PSD3: variants seen among roughly 807,000 people sequenced by gnomAD.
PSD3 encodes PH and SEC7 domain-containing protein 3.
Under a neutral mutation model 105.5 loss-of-function variants are expected in PSD3, and 49 were observed. That is an observed-to-expected ratio of 0.46 (90% CI 0.37 to 0.59). The LOEUF (loss-of-function observed/expected upper bound fraction) is 0.59. Among genes scored for constraint, PSD3 ranks in the 20% least tolerant of loss-of-function variants. The pLI is 0.00. For synonymous variants in PSD3, 557 were observed against 457.8 expected (o/e 1.22, Z -2.77); for missense variants, 1,561 against 1,263.8 (o/e 1.24, Z -3.57).
intron 14 of PSD3, among the ~76,000 whole-genome samples, chr8:18,566,737 T>C (rs1801791203): frequency 1.3e-5 from 2 of 152,202 alleles, no homozygotes; most frequent in Admixed American, 6.5e-5. Flanking sequence ...TTTTTGGTTA[T>C]TACCTTCTTA....
At chr8:18,915,744 T>C (rs1314637604) in intron 2 of PSD3, among the ~76,000 whole-genome samples, 1 of 152,118 alleles carries the variant, frequency 6.6e-6, no homozygotes, top group Non-Finnish European at 1.5e-5. Context: ...TGGAGCCATG[T>C]GGGAAGAAGG....
intron 1 of PSD3, among the ~76,000 whole-genome samples, chr8:19,052,989 C>G (rs534872252): frequency 6.6e-6 from 1 of 152,242 alleles, no homozygotes; most frequent in East Asian, 1.9e-4. Flanking sequence ...TGTGGAAGGT[C>G]AGGCAGGAGA....
At chr8:18,621,419 T>C (rs1806100490) in intron 11 of PSD3, among the ~76,000 whole-genome samples, 1 of 152,116 alleles carries the variant, frequency 6.6e-6, no homozygotes, top group Admixed American at 6.5e-5. Context: ...GAAAAAAGAC[T>C]ATTGCTCCTG....
At chr8:18,881,221 A>G (rs563248842) in intron 2 of PSD3, among the ~76,000 whole-genome samples, 1 of 152,328 alleles carries the variant, frequency 6.6e-6, no homozygotes, top group South Asian at 2.1e-4. Flanking sequence ...TTGAGAAAGA[A>G]ATGAGATACA....
At chr8:18,991,094 C>A (rs1825764978) in intron 1 of PSD3, among the ~76,000 whole-genome samples, 1 of 152,110 alleles carries the variant, frequency 6.6e-6, no homozygotes, top group Non-Finnish European at 1.5e-5. Context: ...GCACCAGAAA[C>A]ACGGGTTTTA....
intron 4 of PSD3, among the ~76,000 whole-genome samples, chr8:18,846,044 G>A (rs961638386): frequency 6.6e-6 from 1 of 152,146 alleles, no homozygotes; most frequent in Non-Finnish European, 1.5e-5. Context: ...GTAGAGATGG[G>A]ATGTATATTA....
intron 15 of PSD3, among the ~76,000 whole-genome samples, chr8:18,539,109 A>G (rs934174136): frequency 6.6e-6 from 1 of 152,180 alleles, no homozygotes; most frequent in Non-Finnish European, 1.5e-5. Context: ...AACCAAATAT[A>G]CCTCTTCAAA....
chr8:19,024,386 A>G (rs1827471749), intron 1 of PSD3, among the ~76,000 whole-genome samples: 1 of 152,190 alleles, frequency 6.6e-6, no homozygotes, highest in Admixed American at 6.5e-5. Context: ...ATGAAGGGAG[A>G]TAATGAAGAC....
intron 1 of PSD3, among the ~76,000 whole-genome samples, chr8:18,942,643 AGG>A (rs1822620847): frequency 2.6e-5 from 4 of 152,236 alleles, no homozygotes; most frequent in Non-Finnish European, 5.9e-5. Flanking sequence ...AGATGACGAC[AGG>A]CACACACTGA....
At chr8:18,781,050 GT>G (rs1318665679) in intron 8 of PSD3, among the ~76,000 whole-genome samples, 1 of 151,870 alleles carries the variant, frequency 6.6e-6, no homozygotes, top group Non-Finnish European at 1.5e-5. Context: ...TGACAGTTGT[GT>G]TTTTTTGTTT....
chr8:18,963,490 C>T (rs780893631), intron 1 of PSD3, among the ~76,000 whole-genome samples: 4 of 152,092 alleles, frequency 2.6e-5, no homozygotes, highest in East Asian at 1.9e-4. Context: ...ATACTCGACT[C>T]GCCAACTAAA....
intron 2 of PSD3, among the ~76,000 whole-genome samples, chr8:18,892,795 T>C (rs1818895128): frequency 6.6e-6 from 1 of 151,898 alleles, no homozygotes; most frequent in African/African-American, 2.4e-5. Flanking sequence ...TGGCTAACTT[T>C]TGTATTTTTA....
intron 8 of PSD3, 196 bp downstream of exon 8, chr8:18,799,099 G>C (rs1810451677): frequency 1.8e-6 from 1 of 540,820 alleles, no homozygotes; most frequent in East Asian, 3.4e-5. Flanking sequence ...CAGGACGATG[G>C]ATTTAAAGTC....
At chr8:18,662,028 G>C (rs1460400934) in intron 9 of PSD3, among the ~76,000 whole-genome samples, 2 of 150,712 alleles carry the variant, frequency 1.3e-5, no homozygotes, top group Non-Finnish European at 2.9e-5. Context: ...ATGTAGTTTT[G>C]AAATCGAGTC....
At chr8:18,756,138 T>G (rs1806026431) in intron 9 of PSD3, among the ~76,000 whole-genome samples, 1 of 152,182 alleles carries the variant, frequency 6.6e-6, no homozygotes, top group African/African-American at 2.4e-5. Flanking sequence ...TCTTCCTCCA[T>G]GGATACTGTT....
chr8:18,761,567 T>C (rs1459164432), intron 9 of PSD3, among the ~76,000 whole-genome samples: 1 of 152,188 alleles, frequency 6.6e-6, no homozygotes, highest in Non-Finnish European at 1.5e-5. Flanking sequence ...ACCCAGTCAG[T>C]ACAGTTCTCA....
At chr8:18,665,622 T>C (rs963364375) in intron 9 of PSD3, among the ~76,000 whole-genome samples, 1 of 152,280 alleles carries the variant, frequency 6.6e-6, no homozygotes, top group African/African-American at 2.4e-5. Context: ...ACTGCATTTC[T>C]GAATGAAGTT....
chr8:18,547,269 G>C (rs1800504493), intron 15 of PSD3, among the ~76,000 whole-genome samples: 1 of 152,174 alleles, frequency 6.6e-6, no homozygotes, highest in Non-Finnish European at 1.5e-5. Flanking sequence ...ACATAAAGAG[G>C]GTAAAGTGAG....
In PSD3 at chr8:18,719,910, C is replaced by T. The variant is rs10103615; in HGVS notation, c.2172+45539G>A. 5.9e-3 allele frequency among the ~76,000 whole-genome samples: 905 copies of T among 152,146 alleles called. 13 individuals carry two copies. Among genetic ancestry groups the T allele is most frequent in the African/African-American group, 0.021 (868 of 41,524 alleles). On this transcript the variant is annotated intron_variant, in intron 9 of 15. Transcript: ENST00000327040. ...TTTTGTATATCAGGCTCTATAAACA[C>T]GAAGGATTAAAGAATACCAACCAGG...
Sources: gnomAD v4.1 joint callset for allele counts (sites outside exome capture counted in the v4.1 genomes callset) on GRCh38, gnomAD v4.1.1 for gene constraint, MANE v1.5 for transcripts, NCBI Gene and HGNC (gene_info 2026-07-23, HGNC 2026-07-21) for gene names.